Variants in BPI observed in about 807,000 individuals in gnomAD.
BPI encodes bactericidal permeability-increasing protein.
In BPI, 48 loss-of-function variants were observed where a neutral mutation model predicts 57.6. The ratio of observed to expected loss-of-function variants is 0.83; its 90% confidence interval spans 0.66 to 1.06. The LOEUF is 1.06. Ranked by LOEUF, BPI falls within the 50% of genes least tolerant of loss-of-function variation. The probability of loss-of-function intolerance (pLI) is 0.00; values close to 1 mark genes in which losing one functional copy is unlikely to be tolerated. For missense variants in BPI, 651 were observed against 609.7 expected (o/e 1.07, Z -0.71); for synonymous variants, 237 against 238.2 (o/e 0.99, Z 0.05).
At chr20:38,319,401 A>G (rs2076669412) in intron 6 of BPI, among the ~76,000 whole-genome samples, 1 of 152,322 alleles carries the variant, frequency 6.6e-6, no homozygotes, top group East Asian at 1.9e-4. Context: ...TGCTCTCAGG[A>G]CTACCTTGCT....
At chr20:38,326,716 T>C (rs2076715277) in intron 10 of BPI, among the ~76,000 whole-genome samples, 1 of 152,268 alleles carries the variant, frequency 6.6e-6, no homozygotes, top group Non-Finnish European at 1.5e-5. Flanking sequence ...ATATGTGTAC[T>C]GTTCCAATTC....
At chr20:38,334,641 A>G (rs2076758256) in intron 13 of BPI, 148 bp downstream of exon 13, 10 of 788,730 alleles carry the variant, frequency 1.3e-5, no homozygotes, top group Admixed American at 1.0e-4. Flanking sequence ...TGACCCAGAA[A>G]TGAATGCAAC....
intron 14 of BPI, among the ~76,000 whole-genome samples, chr20:38,336,822 G>A (rs138784161): frequency 6.6e-6 from 1 of 152,284 alleles, no homozygotes; most frequent in East Asian, 1.9e-4. Context: ...GAGAGAAGTG[G>A]TTTTGCAGCC....
intron 3 of BPI, 76 bp from the exon 4 acceptor site, chr20:38,310,414 CT>C (rs2076616214): frequency 6.5e-7 from 1 of 1,538,490 alleles, no homozygotes; most frequent in African/African-American, 1.4e-5. Context: ...CAAAACCCGC[CT>C]TCCAGCACTG....
chr20:38,307,023 A>T (rs1207706866), intron 1 of BPI, among the ~76,000 whole-genome samples: 1 of 152,064 alleles, frequency 6.6e-6, no homozygotes, highest in Non-Finnish European at 1.5e-5. Context: ...ATCTCTGCAA[A>T]AATGTTAAAA....
chr20:38,322,602 A>G (rs544234747), intron 7 of BPI, among the ~76,000 whole-genome samples: 2 of 152,330 alleles, frequency 1.3e-5, no homozygotes, highest in East Asian at 3.9e-4. Context: ...TAGTCAGTAC[A>G]TAGGTCCATC....
At chr20:38,306,375 A>C (rs1414194980) in intron 1 of BPI, among the ~76,000 whole-genome samples, 2 of 152,232 alleles carry the variant, frequency 1.3e-5, no homozygotes, top group African/African-American at 4.8e-5. Flanking sequence ...TGTCAGGCAC[A>C]ATGGGAATGT....
chr20:38,324,777 C>T lies in BPI; in HGVS notation c.937C>T (p.Pro313Ser). 6.2e-7 allele frequency: 1 copy of T among 1,611,450 alleles called. No homozygotes were observed. The highest frequency in any genetic ancestry group is 8.5e-7 in the Non-Finnish European group (1 of 1,177,614). Reference protein sequence around the residue: ...LKMTLRDDMIPKESKFRLTTK... With the variant: ...LKMTLRDDMISKESKFRLTTK... ...CTTTTCTCATCTCTTGCTACAGATT[C>T]CAAAGGAGTCCAAATTTCGACTGAC... Residue 313 changes from proline to serine, a missense_variant, in exon 9 of 15, where the codon CCA (proline) becomes TCA (serine). Physicochemically the swap from Pro to Ser is moderately conservative, Grantham distance 74 (BLOSUM62 -1). Coordinates refer to ENST00000642449, the MANE Select transcript of BPI (RefSeq NM_001725.3).
chr20:38,337,040 C>T (rs1380280086), intron 14 of BPI, 106 bp from the exon 15 acceptor site: 1 of 1,190,552 alleles, frequency 8.4e-7, no homozygotes, highest in Non-Finnish European at 1.2e-6. Context: ...TTTCTCCTTC[C>T]TAAGAGGCAG....
At chr20:38,324,068 G>T (rs773748459) in intron 8 of BPI, 22 bp downstream of exon 8, 2 of 1,611,206 alleles carry the variant, frequency 1.2e-6, no homozygotes, top group African/African-American at 2.7e-5. Flanking sequence ...CTCTGGGTGG[G>T]TGTGGGAAGA....
chr20:38,323,749 T>G lies in BPI; in HGVS notation c.757-121T>G, dbSNP rs58186826. 2.1e-4 allele frequency: 232 copies of G among 1,119,190 alleles called. 1 individual carries two copies. In the African/African-American group the frequency reaches 3.3e-3, roughly 16 times the overall value. The allele number at this position is 1,119,190 out of a possible 1,614,324, so 69.3% of individuals were successfully genotyped here. A position where few individuals can be genotyped will look rare whatever the true frequency, so the allele number is the denominator to read the frequency against. On this transcript the variant is annotated intron_variant, in intron 7 of 14. Coordinates refer to ENST00000642449, the MANE Select transcript of BPI (RefSeq NM_001725.3). ...TTTTGATGCTACTGTTAGTTTCTGG[T>G]CATTGCTTTTTCCTTTGCAAGTGTA...
rs375469049 is a variant in BPI, at chr20:38,337,232, G to C, written c.*48G>C. 6 of 1,507,396 alleles carry C rather than the reference G, an allele frequency of 4.0e-6. No individual in the cohort carries two copies. The allele number at this position is 1,507,396 out of a possible 1,614,324, so 93.4% of individuals were successfully genotyped here. Reference sequence around the variant, plus strand: ...TGTCAGCCACACCTGTTCCTGATGGGCTGTGGGGCACCGGCTGCCTTTCCC... The same window carrying C: ...TGTCAGCCACACCTGTTCCTGATGGCCTGTGGGGCACCGGCTGCCTTTCCC... On this transcript the variant is annotated 3_prime_UTR_variant, in exon 15 of 15. Coordinates refer to ENST00000642449, the MANE Select transcript of BPI (RefSeq NM_001725.3).
chr20:38,334,094 GAGGAC>G (rs2076755186), intron 12 of BPI, among the ~76,000 whole-genome samples: 1 of 152,200 alleles, frequency 6.6e-6, no homozygotes, highest in Admixed American at 6.5e-5. Context: ...CAGTGTCTGA[GAGGAC>G]TCATTTTTTA....
At chr20:38,319,844 T>C (rs578124138) in intron 6 of BPI, 1 of 206,046 alleles carries the variant, frequency 4.9e-6, no homozygotes, top group East Asian at 1.1e-4. Context: ...ATTCTCTCTG[T>C]TCTACAAATG....
chr20:38,321,996 A>G (rs2076688620), intron 7 of BPI, among the ~76,000 whole-genome samples: 1 of 152,228 alleles, frequency 6.6e-6, no homozygotes, highest in African/African-American at 2.4e-5. Context: ...ACACACAGAC[A>G]TATATTTTGC....
intron 11 of BPI, among the ~76,000 whole-genome samples, chr20:38,328,612 G>A (rs1399897458): frequency 1.3e-5 from 2 of 151,940 alleles, no homozygotes; most frequent in Admixed American, 1.3e-4. Flanking sequence ...CTGAAATGAG[G>A]TATTAATATG....
chr20:38,323,900 C>G lies in BPI; in HGVS notation c.787C>G (p.Pro263Ala), dbSNP rs562325746. 1 of 1,614,198 alleles carries G rather than the reference C, an allele frequency of 6.2e-7. No homozygotes were observed. The highest frequency in any genetic ancestry group is 1.7e-5 in the Admixed American group (1 of 60,020). Residue 263 changes from proline to alanine, a missense_variant, in exon 8 of 15, where the codon CCA (proline) becomes GCA (alanine). Transcript: ENST00000642449. ...GEFYSENHHNPPPFAPPVMEF... is the reference protein window; with the variant it reads ...GEFYSENHHNAPPFAPPVMEF... Reference sequence around the variant, plus strand: ...GTTTTACAGTGAGAACCACCACAATCCACCTCCCTTTGCTCCACCAGTGAT... The same window carrying G: ...GTTTTACAGTGAGAACCACCACAATGCACCTCCCTTTGCTCCACCAGTGAT...
intron 5 of BPI, among the ~76,000 whole-genome samples, chr20:38,314,516 G>A (rs1214507939): frequency 6.8e-6 from 1 of 148,056 alleles, no homozygotes; most frequent in African/African-American, 2.5e-5. Flanking sequence ...TGATGGTGAC[G>A]GTGATGGTAG....
intron 1 of BPI, among the ~76,000 whole-genome samples, chr20:38,306,047 T>G (rs965122976): frequency 1.3e-5 from 2 of 152,202 alleles, no homozygotes; most frequent in African/African-American, 4.8e-5. Flanking sequence ...TTTGTTTTGT[T>G]TTGAGACCGA....
Sources: allele counts gnomAD v4.1 joint callset (sites outside exome capture counted in the v4.1 genomes callset), GRCh38; gene constraint gnomAD v4.1.1; transcripts MANE v1.5; gene names NCBI Gene and HGNC (gene_info 2026-07-23, HGNC 2026-07-21).